The following ETV6 variants were observed in gnomAD, a reference collection of about 807,000 sequenced individuals.
ETV6 encodes ETS variant transcription factor 6.
A neutral mutation model predicts 51.1 loss-of-function variants in ETV6; 16 were observed. That is an observed-to-expected ratio of 0.31 (90% confidence interval 0.21 to 0.48). The LOEUF is 0.48. ETV6 is among the 20% of genes least tolerant of loss of function. The probability of loss-of-function intolerance (pLI) is 0.99; values close to 1 mark genes in which losing one functional copy is unlikely to be tolerated. For synonymous variants in ETV6, 240 were observed against 224.1 expected, an observed-to-expected ratio of 1.07 and a Z score of -0.64; for missense variants, 458 against 594.8, an observed-to-expected ratio of 0.77 and a Z score of 2.39.
intron 5 of ETV6, among the ~76,000 whole-genome samples, chr12:11,881,940 C>T (rs955211060): frequency 3.3e-5 from 5 of 152,186 alleles, no homozygotes; most frequent in South Asian, 4.1e-4. Context: ...CTTCTCCACA[C>T]CCCCACCTCA....
At chr12:11,769,008 C>T in intron 2 of ETV6, 1 of 454,712 alleles carries the variant, frequency 2.2e-6, no homozygotes, top group South Asian at 1.6e-5. Flanking sequence ...AGTGCTAGTA[C>T]AAAGATAAGC....
intron 1 of ETV6, among the ~76,000 whole-genome samples, chr12:11,729,458 A>G (rs553197039): frequency 6.4e-4 from 97 of 152,270 alleles, no homozygotes; most frequent in African/African-American, 2.2e-3. Flanking sequence ...ATTTGAGTTC[A>G]TGTCTCATAA....
chr12:11,743,316 G>T (rs2121029205), intron 1 of ETV6, among the ~76,000 whole-genome samples: 1 of 152,336 alleles, frequency 6.6e-6, no homozygotes, highest in East Asian at 1.9e-4. Context: ...GCTTGTTACT[G>T]TAGGTAGAAT....
chr12:11,662,442 G>A (rs1864117104), intron 1 of ETV6, among the ~76,000 whole-genome samples: 1 of 152,152 alleles, frequency 6.6e-6, no homozygotes, highest in Admixed American at 6.5e-5. Context: ...TGGTAAAATG[G>A]CCAAATGGAG....
intron 2 of ETV6, among the ~76,000 whole-genome samples, chr12:11,772,568 G>C (rs1163969560): frequency 6.6e-6 from 1 of 152,172 alleles, no homozygotes; most frequent in Non-Finnish European, 1.5e-5. Context: ...TTGGGGTATA[G>C]GGGAGTTAAA....
rs1452379375 is a variant in ETV6 at position 11,678,402 on chromosome 12, T to A, written c.33+28242T>A. Among the ~76,000 whole-genome samples the A allele has an allele frequency of 1.3e-5, 2 of 152,254 alleles. 1 individual carries two copies. Among genetic ancestry groups the A allele is most frequent in the East Asian group, 3.9e-4 (2 of 5,174 alleles). ...AGCTAACAAAACTAACAGACCTAGGTGGTTGGCAATTAGAGGCGCATTTTG... is the reference window on the plus strand; with the variant it reads ...AGCTAACAAAACTAACAGACCTAGGAGGTTGGCAATTAGAGGCGCATTTTG... On this transcript the variant is annotated intron_variant, in intron 1 of 7. Transcript: ENST00000396373.
intron 4 of ETV6, among the ~76,000 whole-genome samples, chr12:11,865,268 AAT>A (rs1555144113): frequency 4.0e-5 from 6 of 151,520 alleles, no homozygotes; most frequent in Non-Finnish European, 7.4e-5. Context: ...AAAAAAAAAA[AAT>A]AGTGTCAACA....
rs148495758 is a variant in ETV6, at chr12:11,857,370, G to A, written c.463+3809G>A. ...GACAGTAGACGAGGATGATCATCATGCTAATTCAAACTCTCTATATGTGAA... is the reference window on the plus strand; with the variant it reads ...GACAGTAGACGAGGATGATCATCATACTAATTCAAACTCTCTATATGTGAA... On this transcript the variant is annotated intron_variant, in intron 4 of 7. Transcript: ENST00000396373. Among the ~76,000 whole-genome samples, 47 of 152,300 alleles carry A rather than the reference G, an allele frequency of 3.1e-4. No individual in the cohort carries two copies. The East Asian group carries it at 8.7e-3, about 28-fold the overall frequency.
intron 1 of ETV6, among the ~76,000 whole-genome samples, chr12:11,741,457 G>GT (rs1865808693): frequency 6.6e-6 from 1 of 152,220 alleles, no homozygotes; most frequent in Admixed American, 6.5e-5. Flanking sequence ...CCTCTTCCTT[G>GT]TTTTTTATTA....
At chr12:11,837,277 TA>T (rs1426068842) in intron 2 of ETV6, among the ~76,000 whole-genome samples, 1 of 152,240 alleles carries the variant, frequency 6.6e-6, no homozygotes, top group Non-Finnish European at 1.5e-5. Context: ...TTTGAAATTC[TA>T]ATTTGTTTCC....
chr12:11,807,215 T>C (rs941125978), intron 2 of ETV6, among the ~76,000 whole-genome samples: 6 of 152,240 alleles, frequency 3.9e-5, no homozygotes, highest in African/African-American at 1.2e-4. Context: ...CCACTTTCAA[T>C]TGCAAATTGT....
chr12:11,780,709 T>C (rs1945401964), intron 2 of ETV6, among the ~76,000 whole-genome samples: 1 of 152,208 alleles, frequency 6.6e-6, no homozygotes, highest in South Asian at 2.1e-4. Context: ...CTGTGGCAAG[T>C]GCATCTAATT....
intron 4 of ETV6, among the ~76,000 whole-genome samples, chr12:11,861,818 G>T (rs1412200510): frequency 6.6e-6 from 1 of 152,144 alleles, no homozygotes; most frequent in Non-Finnish European, 1.5e-5. Context: ...TGCCACCTGT[G>T]ACCCCAGGCC....
intron 2 of ETV6, among the ~76,000 whole-genome samples, chr12:11,831,412 A>G (rs1946243739): frequency 6.6e-6 from 1 of 152,150 alleles, no homozygotes; most frequent in Admixed American, 6.5e-5. Flanking sequence ...TTCAGTAGAG[A>G]CAGTGTTTCA....
intron 1 of ETV6, among the ~76,000 whole-genome samples, chr12:11,717,323 C>T (rs529304723): frequency 3.9e-5 from 6 of 152,318 alleles, no homozygotes; most frequent in South Asian, 4.1e-4. Context: ...TATTAGGATG[C>T]GCAGGCGGCG....
At chr12:11,655,235 T>C (rs779036079) in intron 1 of ETV6, among the ~76,000 whole-genome samples, 3 of 152,234 alleles carry the variant, frequency 2.0e-5, no homozygotes, top group Non-Finnish European at 4.4e-5. Flanking sequence ...ATGTTTGTTC[T>C]ATGTGAATAC....
intron 1 of ETV6, among the ~76,000 whole-genome samples, chr12:11,655,053 C>T (rs548216345): frequency 6.6e-6 from 1 of 152,256 alleles, no homozygotes; most frequent in South Asian, 2.1e-4. Flanking sequence ...TGTATTTGTG[C>T]ACACCAGGAA....
chr12:11,652,799 G>A (rs1437609128), intron 1 of ETV6, among the ~76,000 whole-genome samples: 3 of 152,214 alleles, frequency 2.0e-5, no homozygotes. Context: ...TTTCTGAATT[G>A]GTCAATCAGT....
chr12:11,781,995 A>T (rs980263040), intron 2 of ETV6, among the ~76,000 whole-genome samples: 2 of 152,232 alleles, frequency 1.3e-5, no homozygotes, highest in African/African-American at 4.8e-5. Context: ...TATTGTGATT[A>T]TGTTTTCTGG....
Sources: gnomAD v4.1 joint callset for allele counts (sites outside exome capture counted in the v4.1 genomes callset) on GRCh38, gnomAD v4.1.1 for gene constraint, MANE v1.5 for transcripts, NCBI Gene and HGNC (gene_info 2026-07-23, HGNC 2026-07-21) for gene names.